COL5A2: variants seen among roughly 807,000 people sequenced by gnomAD.
The protein encoded by COL5A2 is collagen type V alpha 2 chain, also known as collagen alpha-2(V) chain.
In COL5A2, 23 loss-of-function variants were observed where a neutral mutation model predicts 208.2. The observed-to-expected ratio is 0.11, with a 90% CI of 0.08 to 0.16. The LOEUF is 0.16. Ranked by LOEUF, COL5A2 falls within the 10% of genes least tolerant of loss-of-function variation. The probability of loss-of-function intolerance (pLI) is 1.00; values close to 1 mark genes in which losing one functional copy is unlikely to be tolerated. For synonymous variants in COL5A2, 625 were observed against 628.5 expected, an observed-to-expected ratio of 0.99 and a Z score of 0.08; for missense variants, 1,590 against 1,956.4, an observed-to-expected ratio of 0.81 and a Z score of 3.53.
At chr2:189,397,607 ATTTG>A in the COL5A2 span, among the ~76,000 whole-genome samples, 6 of 92,356 alleles carry the variant, frequency 6.5e-5, no homozygotes, top group South Asian at 4.8e-4. Context: ...ATTAGTAAAA[ATTTG>A]TTTATGTATT....
intron 1 of COL5A2, among the ~76,000 whole-genome samples, chr2:189,169,472 C>A (rs1416663141): frequency 6.6e-6 from 1 of 151,850 alleles, no homozygotes; most frequent in African/African-American, 2.4e-5. Context: ...TACAATATGG[C>A]CTTTTTATTT....
chr2:189,166,521 C>G (rs937372013), intron 1 of COL5A2, among the ~76,000 whole-genome samples: 3 of 152,106 alleles, frequency 2.0e-5, no homozygotes, highest in African/African-American at 7.2e-5. Flanking sequence ...ACTCAAAATC[C>G]CTCTTCAGAA....
chr2:189,158,478 C>A (rs968781849), intron 1 of COL5A2, among the ~76,000 whole-genome samples: 1 of 151,916 alleles, frequency 6.6e-6, no homozygotes, highest in African/African-American at 2.4e-5. Context: ...CAATTTAAGT[C>A]AAATATATGA....
intron 2 of COL5A2, among the ~76,000 whole-genome samples, chr2:189,104,716 A>G (rs1687117139): frequency 6.6e-6 from 1 of 151,520 alleles, no homozygotes; most frequent in African/African-American, 2.4e-5. Context: ...CCCTATTTCC[A>G]CTTTACCCCC....
At chr2:189,331,204 T>C in the COL5A2 span, among the ~76,000 whole-genome samples, 2 of 152,008 alleles carry the variant, frequency 1.3e-5, no homozygotes, top group African/African-American at 4.8e-5. Context: ...AGATTGAATG[T>C]GGGAAGGAAA....
the COL5A2 span, among the ~76,000 whole-genome samples, chr2:189,389,203 C>G: frequency 2.2e-4 from 34 of 152,174 alleles, no homozygotes; most frequent in Non-Finnish European, 4.6e-4. Flanking sequence ...GCTAATAGTA[C>G]ACTTTCTTAC....
chr2:189,201,944 T>C lies in COL5A2; in HGVS notation c.-42+23204A>G, dbSNP rs970161322. On this transcript the variant is annotated intron_variant, in intron 1 of 10. Transcript: ENST00000649966. ...ATCCATTGATCATATAAAACATTTT[T>C]AAATCTAGTCTGTTAATAAAAATAG... is the stretch of plus-strand genomic sequence containing the variant. Among the ~76,000 whole-genome samples the C allele has an allele frequency of 1.5e-4, 22 of 151,658 alleles. 1 individual carries two copies. Among genetic ancestry groups the C allele is most frequent in the Non-Finnish European group, 2.7e-4 (18 of 67,804 alleles).
chr2:189,238,619 T>A, the COL5A2 span, among the ~76,000 whole-genome samples: 1 of 152,142 alleles, frequency 6.6e-6, no homozygotes, highest in South Asian at 2.1e-4. Flanking sequence ...CAGTTCAGCA[T>A]GGCTGGGGAA....
At chr2:189,368,237 T>A in the COL5A2 span, among the ~76,000 whole-genome samples, 1 of 152,214 alleles carries the variant, frequency 6.6e-6, no homozygotes, top group Non-Finnish European at 1.5e-5. Flanking sequence ...GTTATTGTAT[T>A]TGCAGTCTAG....
chr2:189,388,320 C>T, the COL5A2 span, among the ~76,000 whole-genome samples: 70 of 152,122 alleles, frequency 4.6e-4, no homozygotes, highest in Middle Eastern at 3.4e-3. Flanking sequence ...GAACTTTAAA[C>T]GGAAAACTAA....
chr2:189,433,139 C>G, the COL5A2 span, among the ~76,000 whole-genome samples: 1 of 152,112 alleles, frequency 6.6e-6, no homozygotes, highest in Non-Finnish European at 1.5e-5. Flanking sequence ...CCAATGAGAA[C>G]AAAGATAAAA....
chr2:189,396,530 C>T, the COL5A2 span, among the ~76,000 whole-genome samples: 3 of 151,642 alleles, frequency 2.0e-5, no homozygotes, highest in African/African-American at 7.3e-5. Context: ...AAAAATTAGC[C>T]GGGCGTGGTG....
chr2:189,248,050 A>G, the COL5A2 span, among the ~76,000 whole-genome samples: 1 of 152,248 alleles, frequency 6.6e-6, no homozygotes, highest in Non-Finnish European at 1.5e-5. Context: ...AATACTTTAT[A>G]CCCAAAATAG....
chr2:189,107,235 TTC>T (rs1687168844), intron 2 of COL5A2, among the ~76,000 whole-genome samples: 1 of 151,572 alleles, frequency 6.6e-6, no homozygotes, highest in African/African-American at 2.4e-5. Flanking sequence ...CTTTGCAAAT[TTC>T]TCTGTTTCTT....
chr2:189,044,862 T>C (rs1207754403), intron 47 of COL5A2, among the ~76,000 whole-genome samples: 1 of 152,132 alleles, frequency 6.6e-6, no homozygotes, highest in East Asian at 1.9e-4. Flanking sequence ...TCAAATCCAT[T>C]TTCCTATGTA....
intron 1 of COL5A2, among the ~76,000 whole-genome samples, chr2:189,189,447 GCCAAGGCCGGAGAATCAC>G (rs1324603716): frequency 6.6e-6 from 1 of 152,114 alleles, no homozygotes; most frequent in Non-Finnish European, 1.5e-5. Flanking sequence ...TACTTGGGAG[GCCAAGGCCGGAGAATCAC>G]CTGAGGCCAG....
the COL5A2 span, among the ~76,000 whole-genome samples, chr2:189,398,828 T>G: frequency 1.3e-5 from 2 of 152,198 alleles, no homozygotes; most frequent in Non-Finnish European, 1.5e-5. Flanking sequence ...ATTGTGTGGT[T>G]GCTGTTATCT....
intron 1 of COL5A2, among the ~76,000 whole-genome samples, chr2:189,145,253 T>C (rs1363836619): frequency 1.3e-5 from 2 of 152,110 alleles, no homozygotes; most frequent in East Asian, 1.9e-4. Context: ...TTTACTTAAA[T>C]GAGTAAAGTA....
At chr2:189,116,427 A>G (rs995107661) in intron 1 of COL5A2, among the ~76,000 whole-genome samples, 1 of 152,208 alleles carries the variant, frequency 6.6e-6, no homozygotes, top group Non-Finnish European at 1.5e-5. Context: ...GACCATGCAG[A>G]GGAGATGCCA....
Sources: allele counts gnomAD v4.1 joint callset (sites outside exome capture counted in the v4.1 genomes callset), GRCh38; gene constraint gnomAD v4.1.1; transcripts MANE v1.5; gene names NCBI Gene and HGNC (gene_info 2026-07-23, HGNC 2026-07-21).